ANKRD42: variants seen among roughly 807,000 people sequenced by gnomAD.
ANKRD42 encodes ankyrin repeat domain-containing protein 42.
A neutral mutation model predicts 51.5 loss-of-function variants in ANKRD42; 43 were observed. That is an observed-to-expected ratio of 0.83 (90% CI 0.65 to 1.08). The LOEUF (loss-of-function observed/expected upper bound fraction) is 1.08. ANKRD42 is among the 50% of genes least tolerant of loss of function. ANKRD42 has a pLI of 0.00. For synonymous variants in ANKRD42, 203 were observed against 213.0 expected (o/e 0.95, Z 0.41); for missense variants, 608 against 629.3 (o/e 0.97, Z 0.36).
At chr11:83,206,574 C>G (rs1391550667) in intron 3 of ANKRD42, among the ~76,000 whole-genome samples, 7 of 152,156 alleles carry the variant, frequency 4.6e-5, no homozygotes, top group Non-Finnish European at 2.9e-5. Context: ...GGATTAATGT[C>G]CTTTTGCAAG....
chr11:83,227,731 A>T lies in ANKRD42; in HGVS notation c.788-16A>T, dbSNP rs757911708. On this transcript the variant is annotated splice_polypyrimidine_tract_variant and intron_variant, in intron 6 of 10. Coordinates refer to ENST00000533342, the MANE Select transcript of ANKRD42 (RefSeq NM_001300975.2). ...ACTCTTATGTTTATTGAAATGCTGA[A>T]TTTTTTTATTCATAGCTTTAGCATT... 1 of 1,596,664 alleles carries T rather than the reference A, an allele frequency of 6.3e-7. No individual in the cohort carries two copies. The highest frequency in any genetic ancestry group is 1.4e-5 in the African/African-American group (1 of 73,714).
chr11:83,235,824 T>A (rs1344401432), intron 7 of ANKRD42, among the ~76,000 whole-genome samples: 4 of 152,228 alleles, frequency 2.6e-5, no homozygotes, highest in Admixed American at 6.5e-5. Flanking sequence ...GCATGTGTTA[T>A]GAGGTGAAGA....
chr11:83,244,939 C>T (rs554620794), intron 9 of ANKRD42, among the ~76,000 whole-genome samples: 1 of 151,940 alleles, frequency 6.6e-6, no homozygotes, highest in African/African-American at 2.4e-5. Flanking sequence ...GAGTCTTGCT[C>T]TGTTGTCCAG....
At chr11:83,230,146 G>T (rs1161089899) in intron 7 of ANKRD42, among the ~76,000 whole-genome samples, 2 of 152,082 alleles carry the variant, frequency 1.3e-5, no homozygotes, top group Non-Finnish European at 2.9e-5. Flanking sequence ...TGACCTCCTG[G>T]GCTCAGGGGA....
In ANKRD42 at chr11:83,248,102, TA is replaced by T; in HGVS notation, c.1484del (p.Asn495IlefsTer26). The T allele has an allele frequency of 6.4e-7, 1 of 1,554,388 alleles. No individual in the cohort carries two copies. The highest frequency in any genetic ancestry group is 8.7e-7 in the Non-Finnish European group (1 of 1,149,802). On this transcript the variant is annotated frameshift_variant, in exon 11 of 11. Transcript: ENST00000533342. LOFTEE classifies it low-confidence loss of function (END_TRUNC). ...TTGTGGCTATGGTTGGTGTCCTTTTTAATACATTTATTTTTCTCAAGAAGTA... is the reference window on the plus strand; with the variant it reads ...TTGTGGCTATGGTTGGTGTCCTTTTTATACATTTATTTTTCTCAAGAAGTA... ...NFVAMVGVLF[N>X]TFIFLKKYIQ...
At chr11:83,247,120 T>TTTTTTTTTTTTTAGTGTTAGCCTTGGTC (rs1863563998) in intron 10 of ANKRD42, among the ~76,000 whole-genome samples, 1 of 74,280 alleles carries the variant, frequency 1.3e-5, no homozygotes, top group African/African-American at 3.8e-5. Flanking sequence ...GAGATGTAGA[T>TTTTTTTTTTTTTAGTGTTAGCCTTGGTC]TTTTTTTTTT....
chr11:83,213,308 C>G, intron 5 of ANKRD42: 3 of 1,589,834 alleles, frequency 1.9e-6, no homozygotes, highest in Non-Finnish European at 2.6e-6. Flanking sequence ...GATGTTTCCT[C>G]CAAGAACTGC....
intron 4 of ANKRD42, 106 bp from the exon 5 acceptor site, chr11:83,211,189 G>C: frequency 7.1e-7 from 1 of 1,415,986 alleles, no homozygotes; most frequent in Non-Finnish European, 9.9e-7. Context: ...TTGCCTTCTT[G>C]TATTAAGAAC....
downstream of ANKRD42, among the ~76,000 whole-genome samples, chr11:83,258,596 A>C (rs1863812216): frequency 6.6e-6 from 1 of 152,194 alleles, no homozygotes; most frequent in African/African-American, 2.4e-5. Flanking sequence ...ACCTAAGAGG[A>C]GAGCTGTGAA....
At chr11:83,211,534 C>T (rs1472880638) in intron 5 of ANKRD42, 104 bp downstream of exon 5, 2 of 1,274,882 alleles carry the variant, frequency 1.6e-6, no homozygotes, top group African/African-American at 1.5e-5. Flanking sequence ...TGGTGGCTTA[C>T]ATCTGTAATC....
At chr11:83,247,654 T>C (rs1260201825) in intron 10 of ANKRD42, among the ~76,000 whole-genome samples, 1 of 152,216 alleles carries the variant, frequency 6.6e-6, no homozygotes, top group African/African-American at 2.4e-5. Context: ...TTAGCACTTA[T>C]TACCTTCCAA....
intron 11 of ANKRD42, among the ~76,000 whole-genome samples, chr11:83,254,897 C>T (rs1166095789): frequency 6.6e-6 from 1 of 152,088 alleles, no homozygotes; most frequent in African/African-American, 2.4e-5. Context: ...AAACACCTGG[C>T]CACTGTAAGA....
chr11:83,259,779 C>T (rs541374869), downstream of ANKRD42: 12 of 152,226 alleles, frequency 7.9e-5, no homozygotes, highest in Admixed American at 5.2e-4. Flanking sequence ...ATCCTGCTGC[C>T]GCAGCCTCCC....
At chr11:83,225,197 T>C in intron 6 of ANKRD42, 142 bp downstream of exon 6, 1 of 641,238 alleles carries the variant, frequency 1.6e-6, no homozygotes, top group Non-Finnish European at 2.4e-6. Flanking sequence ...ATGTTTAATA[T>C]ATAACATATT....
chr11:83,193,744 TCCAGCCAAG>T lies in ANKRD42; in HGVS notation c.-926_-918del, dbSNP rs1380568034. ...TCCAAGGCGACGGCCCTGCTGCCTC[TCCAGCCAAG>T]TGGCTGGAGTCGGGAGGCTGGAAAG... On this transcript the variant is annotated 5_prime_UTR_variant, in exon 1 of 11. Transcript: ENST00000533342. 1.4e-5 allele frequency: 6 copies of T among 425,776 alleles called. No individual in the cohort carries two copies. The highest frequency in any genetic ancestry group is 2.8e-5 in the Non-Finnish European group (6 of 213,348). The allele number at this position is 425,776 out of a possible 1,614,324, so 26.4% of individuals were successfully genotyped here.
intron 3 of ANKRD42, chr11:83,209,375 T>C: frequency 1.3e-6 from 2 of 1,539,312 alleles, no homozygotes; most frequent in Non-Finnish European, 1.8e-6. Context: ...AGCGCGGGGC[T>C]GCAGGCTAGC....
intron 2 of ANKRD42, among the ~76,000 whole-genome samples, chr11:83,203,468 A>G (rs982563506): frequency 7.1e-6 from 1 of 141,072 alleles, no homozygotes; most frequent in Non-Finnish European, 1.5e-5. Flanking sequence ...GTCTTGGTTG[A>G]CTGCAACCCC....
intron 10 of ANKRD42, among the ~76,000 whole-genome samples, chr11:83,245,936 C>T (rs1863528428): frequency 1.3e-5 from 2 of 152,218 alleles, no homozygotes; most frequent in African/African-American, 4.8e-5. Flanking sequence ...AGTCTCTGAA[C>T]ATTTTCATCA....
downstream of ANKRD42, among the ~76,000 whole-genome samples, chr11:83,262,834 G>A (rs909111114): frequency 3.3e-5 from 5 of 152,164 alleles, no homozygotes; most frequent in Admixed American, 1.3e-4. Context: ...AAGAAATATA[G>A]AGAAGTAATA....
Sources: gnomAD v4.1 joint callset for allele counts (sites outside exome capture counted in the v4.1 genomes callset) on GRCh38, gnomAD v4.1.1 for gene constraint, MANE v1.5 for transcripts, NCBI Gene and HGNC (gene_info 2026-07-23, HGNC 2026-07-21) for gene names.